PIK3C2G: variants seen among roughly 807,000 people sequenced by gnomAD.
PIK3C2G encodes the protein phosphatidylinositol-4-phosphate 3-kinase catalytic subunit type 2 gamma, also known as phosphatidylinositol 3-kinase C2 domain-containing subunit gamma.
A neutral mutation model predicts 181.1 loss-of-function variants in PIK3C2G; 168 were observed. The observed-to-expected ratio is 0.93, with a 90% CI of 0.82 to 1.05. The LOEUF (loss-of-function observed/expected upper bound fraction) is 1.05. Among genes scored for constraint, PIK3C2G ranks in the 50% least tolerant of loss-of-function variants. The pLI, the probability that PIK3C2G is intolerant of heterozygous loss-of-function variation, is 0.00. For missense variants in PIK3C2G, 1,869 were observed against 1,732.8 expected (o/e 1.08, Z -1.40); for synonymous variants, 573 against 592.2 (o/e 0.97, Z 0.47).
intron 18 of PIK3C2G, among the ~76,000 whole-genome samples, chr12:18,482,606 G>A (rs1343784658): frequency 1.3e-5 from 2 of 152,134 alleles, no homozygotes; most frequent in African/African-American, 4.8e-5. Flanking sequence ...AAGAATGCAG[G>A]TTGCTTCTTT....
intron 9 of PIK3C2G, among the ~76,000 whole-genome samples, chr12:18,340,884 G>A (rs530624014): frequency 1.3e-5 from 2 of 152,118 alleles, no homozygotes; most frequent in South Asian, 2.1e-4. Flanking sequence ...TTCCCACAAC[G>A]CCAATATGAA....
At chr12:18,444,219 G>A (rs959145716) in intron 18 of PIK3C2G, among the ~76,000 whole-genome samples, 6 of 152,024 alleles carry the variant, frequency 3.9e-5, no homozygotes, top group Non-Finnish European at 7.4e-5. Flanking sequence ...TTCCTGGAAC[G>A]GCCACCCCTG....
At chr12:18,580,624 T>A in intron 29 of PIK3C2G, among the ~76,000 whole-genome samples, 1 of 152,212 alleles carries the variant, frequency 6.6e-6, no homozygotes, top group Non-Finnish European at 1.5e-5. Flanking sequence ...GATGACATTT[T>A]AAACTAGAAT....
the PIK3C2G span, among the ~76,000 whole-genome samples, chr12:18,695,689 T>C: frequency 2.0e-5 from 3 of 152,074 alleles, no homozygotes; most frequent in African/African-American, 7.2e-5. Context: ...AGTGCTGTAC[T>C]AGCTGTTCAA....
At chr12:18,472,068 T>C (rs1938515265) in intron 18 of PIK3C2G, among the ~76,000 whole-genome samples, 1 of 152,140 alleles carries the variant, frequency 6.6e-6, no homozygotes, top group Non-Finnish European at 1.5e-5. Context: ...ACCTAAATTA[T>C]CCAAAATGGA....
rs1366611893 is a variant in PIK3C2G at position 18,491,439 on chromosome 12, G to T, written c.2686-12G>T. On this transcript the variant is annotated splice_polypyrimidine_tract_variant and intron_variant, in intron 19 of 32. Coordinates refer to ENST00000538779, the MANE Select transcript of PIK3C2G (RefSeq NM_001288772.2). ...CATTTTCTTAAATCCTTTTTCTAATGATTTTTCACAGGAGGTACTGAAGAA... is the reference window on the plus strand; with the variant it reads ...CATTTTCTTAAATCCTTTTTCTAATTATTTTTCACAGGAGGTACTGAAGAA... 1 of 1,356,696 alleles carries T rather than the reference G, an allele frequency of 7.4e-7. No homozygotes were observed. Among genetic ancestry groups the T allele is most frequent in the South Asian group, 1.2e-5 (1 of 81,004 alleles). 84.0% of individuals were successfully genotyped at this position (1,356,696 alleles called of 1,614,324 possible). A position where few individuals can be genotyped will look rare whatever the true frequency, so the allele number is the denominator to read the frequency against.
At chr12:18,369,454 A>G (rs1168352324) in intron 12 of PIK3C2G, among the ~76,000 whole-genome samples, 1 of 151,314 alleles carries the variant, frequency 6.6e-6, no homozygotes, top group Non-Finnish European at 1.5e-5. Flanking sequence ...ACGATCGTAT[A>G]ATTGACATAT....
chr12:18,456,383 G>A (rs905856250), intron 18 of PIK3C2G, among the ~76,000 whole-genome samples: 9 of 151,856 alleles, frequency 5.9e-5, no homozygotes, highest in African/African-American at 1.9e-4. Flanking sequence ...AAAGAGAAAA[G>A]CTCTCTCTCC....
intron 26 of PIK3C2G, among the ~76,000 whole-genome samples, chr12:18,549,476 T>C (rs903262555): frequency 2.0e-4 from 30 of 152,042 alleles, no homozygotes; most frequent in Admixed American, 7.9e-4. Flanking sequence ...ATAACAATCC[T>C]ATGAGGTATT....
At chr12:18,323,765 C>A (rs1490673032) in intron 7 of PIK3C2G, among the ~76,000 whole-genome samples, 1 of 152,174 alleles carries the variant, frequency 6.6e-6, no homozygotes, top group Non-Finnish European at 1.5e-5. Context: ...TTGATTTCAG[C>A]CCTTCTCTTT....
At chr12:18,532,962 A>T (rs368349092) in intron 24 of PIK3C2G, among the ~76,000 whole-genome samples, 2 of 148,782 alleles carry the variant, frequency 1.3e-5, no homozygotes, top group South Asian at 4.2e-4. Context: ...CTTTAGCAGC[A>T]TGTATTTCAT....
downstream of PIK3C2G, among the ~76,000 whole-genome samples, chr12:18,650,704 GTA>G (rs1361372584): frequency 1.5e-3 from 89 of 57,756 alleles, 3 homozygotes; most frequent in East Asian, 0.01. Context: ...GTGTGTGTGT[GTA>G]TATATCTATA....
the PIK3C2G span, among the ~76,000 whole-genome samples, chr12:18,709,636 C>T: frequency 3.9e-5 from 6 of 151,972 alleles, no homozygotes; most frequent in South Asian, 1.0e-3. Flanking sequence ...AATCCCAGCA[C>T]TTTGGAAGGC....
the PIK3C2G span, among the ~76,000 whole-genome samples, chr12:18,686,887 G>C: frequency 6.6e-6 from 1 of 151,998 alleles, no homozygotes; most frequent in South Asian, 2.1e-4. Flanking sequence ...TTTCTGCAAG[G>C]ATATTCCCAT....
intron 28 of PIK3C2G, 95 bp from the exon 29 acceptor site, chr12:18,566,854 T>C: frequency 1.4e-6 from 1 of 718,586 alleles, no homozygotes; most frequent in Non-Finnish European, 2.5e-6. Context: ...TCATTGGCCC[T>C]TCCATCTGAT....
chr12:18,281,629 C>T (rs1213745762), intron 1 of PIK3C2G, among the ~76,000 whole-genome samples: 4 of 151,948 alleles, frequency 2.6e-5, no homozygotes, highest in African/African-American at 9.7e-5. Context: ...CAAGAAGAGA[C>T]TGTTTAGCTA....
intron 4 of PIK3C2G, 111 bp downstream of exon 4, chr12:18,291,123 C>A: frequency 1.6e-6 from 1 of 615,526 alleles, no homozygotes; most frequent in South Asian, 2.7e-5. Context: ...TACTGTTTTT[C>A]TCTGAAGTGA....
At chr12:18,610,534 C>A (rs148104707) in intron 31 of PIK3C2G, among the ~76,000 whole-genome samples, 3 of 152,066 alleles carry the variant, frequency 2.0e-5, no homozygotes, top group African/African-American at 7.2e-5. Context: ...TCCAAGAAGG[C>A]GTGTTTGCAA....
At chr12:18,293,624 G>C (rs1036706635) in intron 4 of PIK3C2G, among the ~76,000 whole-genome samples, 1 of 152,164 alleles carries the variant, frequency 6.6e-6, no homozygotes, top group Non-Finnish European at 1.5e-5. Flanking sequence ...CAGAACTGCA[G>C]TGTACCAAGG....
Sources: gnomAD v4.1 joint callset for allele counts (sites outside exome capture counted in the v4.1 genomes callset) on GRCh38, gnomAD v4.1.1 for gene constraint, MANE v1.5 for transcripts, NCBI Gene and HGNC (gene_info 2026-07-23, HGNC 2026-07-21) for gene names.